The following PCED1B variants were observed in gnomAD, a reference collection of about 807,000 sequenced individuals.
PCED1B encodes PC-esterase domain containing 1B.
For synonymous variants in PCED1B, 251 were observed against 246.1 expected, an observed-to-expected ratio of 1.02 and a Z score of -0.19; for missense variants, 573 against 573.9, an observed-to-expected ratio of 1.00 and a Z score of 0.02.
chr12:47,230,053 C>T (rs899102151), intron 3 of PCED1B, among the ~76,000 whole-genome samples: 8 of 145,626 alleles, frequency 5.5e-5, no homozygotes, highest in Non-Finnish European at 1.0e-4. Flanking sequence ...GGATTACAGG[C>T]GTGAGCCACT....
chr12:47,156,388 A>T (rs966874272), intron 2 of PCED1B, among the ~76,000 whole-genome samples: 6 of 152,204 alleles, frequency 3.9e-5, no homozygotes, highest in Admixed American at 6.5e-5. Flanking sequence ...TGCAAAGCTG[A>T]TAGAAAGATT....
chr12:47,222,567 G>A (rs975567640), intron 3 of PCED1B, among the ~76,000 whole-genome samples: 1 of 152,096 alleles, frequency 6.6e-6, no homozygotes, highest in African/African-American at 2.4e-5. Flanking sequence ...GACAGGTCTG[G>A]GCTAGAGACA....
At chr12:47,142,665 G>A (rs1465751239) in intron 2 of PCED1B, among the ~76,000 whole-genome samples, 1 of 151,834 alleles carries the variant, frequency 6.6e-6, no homozygotes, top group Admixed American at 6.6e-5. Flanking sequence ...GGAATATAAT[G>A]ACAGAATGAA....
intron 1 of PCED1B, among the ~76,000 whole-genome samples, chr12:47,091,316 A>G (rs1938255150): frequency 6.6e-6 from 1 of 152,012 alleles, no homozygotes; most frequent in African/African-American, 2.4e-5. Flanking sequence ...AATTTTCTGT[A>G]TGTTTATTTA....
intron 2 of PCED1B, among the ~76,000 whole-genome samples, chr12:47,149,637 T>G (rs765472264): frequency 2.0e-4 from 30 of 152,226 alleles, no homozygotes; most frequent in Non-Finnish European, 4.4e-5. Context: ...GATTTATGCT[T>G]TAACGTGTGA....
intron 3 of PCED1B, among the ~76,000 whole-genome samples, chr12:47,231,492 CAA>C: frequency 6.6e-6 from 1 of 152,192 alleles, no homozygotes; most frequent in Middle Eastern, 3.4e-3. Context: ...TCACTGGAAA[CAA>C]GGGTTATCTT....
At chr12:47,205,770 A>AG (rs758137257) in intron 2 of PCED1B, 109 of 152,172 alleles carry the variant, frequency 7.2e-4, no homozygotes, top group Non-Finnish European at 1.4e-3. Context: ...GAAGGAAGGA[A>AG]GGAAAAAAAA....
chr12:47,213,905 T>C (rs560616870), intron 2 of PCED1B, among the ~76,000 whole-genome samples: 1 of 152,364 alleles, frequency 6.6e-6, no homozygotes, highest in African/African-American at 2.4e-5. Context: ...AGTGTGATTA[T>C]CATTTGCATT....
At chr12:47,224,024 A>G (rs1198254111) in intron 3 of PCED1B, 1 of 152,252 alleles carries the variant, frequency 6.6e-6, no homozygotes, top group Non-Finnish European at 1.5e-5. Flanking sequence ...GTTGAAAGCC[A>G]GATCACCACC....
chr12:47,131,984 A>G (rs2137359984), intron 2 of PCED1B, among the ~76,000 whole-genome samples: 1 of 152,220 alleles, frequency 6.6e-6, no homozygotes, highest in East Asian at 1.9e-4. Context: ...TTTTACTTCT[A>G]TTTAGTTATA....
At chr12:47,107,250 G>A (rs979423099) in intron 2 of PCED1B, among the ~76,000 whole-genome samples, 1 of 152,168 alleles carries the variant, frequency 6.6e-6, no homozygotes. Flanking sequence ...TAGGTGCACT[G>A]TGCCACATCC....
intron 2 of PCED1B, among the ~76,000 whole-genome samples, chr12:47,186,802 G>A (rs755164554): frequency 4.6e-5 from 7 of 152,264 alleles, no homozygotes; most frequent in African/African-American, 4.8e-5. Context: ...GTGATACTTC[G>A]TGATGGCAGC....
intron 2 of PCED1B, among the ~76,000 whole-genome samples, chr12:47,105,514 CT>C (rs1358845940): frequency 3.9e-5 from 6 of 152,002 alleles, no homozygotes; most frequent in Non-Finnish European, 8.8e-5. Context: ...TAGAAATGGG[CT>C]TGATGGGAGG....
chr12:47,174,270 A>G (rs1306600110), intron 2 of PCED1B, among the ~76,000 whole-genome samples: 1 of 152,144 alleles, frequency 6.6e-6, no homozygotes, highest in Non-Finnish European at 1.5e-5. Flanking sequence ...TTAGCCAGGC[A>G]TGGTGGCGCA....
At chr12:47,143,725 A>G (rs1163486454) in intron 2 of PCED1B, among the ~76,000 whole-genome samples, 1 of 152,198 alleles carries the variant, frequency 6.6e-6, no homozygotes, top group Non-Finnish European at 1.5e-5. Flanking sequence ...AAAAAGAAAA[A>G]CCGTAAAATT....
intron 2 of PCED1B, among the ~76,000 whole-genome samples, chr12:47,147,141 C>T (rs1193918624): frequency 6.6e-6 from 1 of 151,812 alleles, no homozygotes; most frequent in African/African-American, 2.4e-5. Context: ...GCTGGGACTA[C>T]AGGCATGTGT....
intron 1 of PCED1B, among the ~76,000 whole-genome samples, chr12:47,081,498 ATTAAT>A (rs1427652783): frequency 6.6e-6 from 1 of 152,218 alleles, no homozygotes; most frequent in Non-Finnish European, 1.5e-5. Context: ...CTTGATTCAG[ATTAAT>A]TTATTTCATG....
chr12:47,135,480 C>T (rs1592185042), intron 2 of PCED1B: 5 of 432,356 alleles, frequency 1.2e-5, no homozygotes, highest in Middle Eastern at 5.2e-4. Flanking sequence ...GATGCTGTCT[C>T]CTGTTCTATC....
chr12:47,224,884 C>A (rs376104390), intron 3 of PCED1B, among the ~76,000 whole-genome samples: 1 of 152,102 alleles, frequency 6.6e-6, no homozygotes, highest in African/African-American at 2.4e-5. Flanking sequence ...GTAGGTGATT[C>A]GAATCAGTTA....
Sources: gnomAD v4.1 joint callset for allele counts (sites outside exome capture counted in the v4.1 genomes callset) on GRCh38, gnomAD v4.1.1 for gene constraint, MANE v1.5 for transcripts, NCBI Gene and HGNC (gene_info 2026-07-23, HGNC 2026-07-21) for gene names.